RBFOX1: variants seen among roughly 807,000 people sequenced by gnomAD.
RBFOX1 encodes RNA binding fox-1 homolog 1.
A neutral mutation model predicts 57.7 loss-of-function variants in RBFOX1; 8 were observed. That is an observed-to-expected ratio of 0.14 (90% CI 0.08 to 0.25). The LOEUF is 0.25. Ranked by LOEUF, RBFOX1 falls within the 10% of genes least tolerant of loss-of-function variation. RBFOX1 has a pLI of 1.00. For missense variants in RBFOX1, 611 were observed against 548.5 expected, an observed-to-expected ratio of 1.11 and a Z score of -1.14; for synonymous variants, 326 against 222.4, an observed-to-expected ratio of 1.47 and a Z score of -4.15.
At chr16:7,468,099 C>T (rs888189527) in intron 4 of RBFOX1, among the ~76,000 whole-genome samples, 1 of 152,166 alleles carries the variant, frequency 6.6e-6, no homozygotes. Context: ...CATCACAGAA[C>T]TTGGTTGAGC....
In RBFOX1 at chr16:7,281,587, G is replaced by T. The variant is rs1463706691; in HGVS notation, c.27+229489G>T. ...TAGCATTGTCTGGGCACAATATCTG[G>T]TGTTGGAAGTCAGAGAAAATACACA... On this transcript the variant is annotated intron_variant, in intron 4 of 15. Transcript: ENST00000550418. Among the ~76,000 whole-genome samples the T allele has an allele frequency of 1.2e-4, 18 of 152,052 alleles. No individual in the cohort carries two copies. The East Asian group carries it at 3.3e-3, about 28-fold the overall frequency.
chr16:6,388,021 C>T (rs896069414), intron 2 of RBFOX1, among the ~76,000 whole-genome samples: 2 of 119,722 alleles, frequency 1.7e-5, no homozygotes, highest in Admixed American at 2.1e-4. Flanking sequence ...TTGCTTTTGG[C>T]CAGGCTGGAG....
intron 1 of RBFOX1, among the ~76,000 whole-genome samples, chr16:5,252,966 C>G (rs772146506): frequency 6.6e-6 from 1 of 152,144 alleles, no homozygotes; most frequent in Admixed American, 6.5e-5. Flanking sequence ...TTCACATGCA[C>G]GCAGCCAATT....
chr16:6,170,238 G>A (rs1357395686), intron 1 of RBFOX1, among the ~76,000 whole-genome samples: 3 of 152,148 alleles, frequency 2.0e-5, no homozygotes, highest in East Asian at 3.9e-4. Context: ...TATGAAAGCC[G>A]TGTTCATGTC....
chr16:6,103,143 G>C (rs960008138), intron 1 of RBFOX1, among the ~76,000 whole-genome samples: 1 of 152,200 alleles, frequency 6.6e-6, no homozygotes, highest in Admixed American at 6.5e-5. Context: ...TGCAATATTT[G>C]CTCAGTGGGT....
At chr16:5,835,730 C>T (rs1289447194) in intron 3 of RBFOX1, among the ~76,000 whole-genome samples, 1 of 152,206 alleles carries the variant, frequency 6.6e-6, no homozygotes, top group African/African-American at 2.4e-5. Flanking sequence ...CTGTCTCATC[C>T]GTTTTAGTTC....
chr16:6,739,674 C>T (rs377513875), intron 3 of RBFOX1, among the ~76,000 whole-genome samples: 7 of 152,052 alleles, frequency 4.6e-5, no homozygotes, highest in South Asian at 2.1e-4. Flanking sequence ...GTCACGAGTT[C>T]GAGACCAGCT....
In RBFOX1 at chr16:6,718,576, G is replaced by A. The variant is rs143708795; in HGVS notation, c.-16+63926G>A. 4.0e-3 allele frequency among the ~76,000 whole-genome samples: 611 copies of A among 152,182 alleles called. 11 individuals carry two copies. In the South Asian group the frequency reaches 0.049, roughly 12 times the overall value. On this transcript the variant is annotated intron_variant, in intron 3 of 15. Coordinates refer to ENST00000550418, the MANE Select transcript of RBFOX1 (RefSeq NM_018723.4). ...TGACATGGTTTGGATTTGTGTCCCC[G>A]CCCAAATCTCATGTTAAGTTGTAAT...
At chr16:6,682,547 G>A (rs897801224) in intron 3 of RBFOX1, among the ~76,000 whole-genome samples, 7 of 152,114 alleles carry the variant, frequency 4.6e-5, no homozygotes, top group Non-Finnish European at 8.8e-5. Context: ...AAACTGGACC[G>A]GTGCATGCTT....
At chr16:5,595,613 G>A (rs1467709044) in intron 2 of RBFOX1, among the ~76,000 whole-genome samples, 1 of 152,166 alleles carries the variant, frequency 6.6e-6, no homozygotes. Context: ...CAGCTCAAAT[G>A]ATATGGAGGC....
intron 2 of RBFOX1, among the ~76,000 whole-genome samples, chr16:5,572,946 G>A (rs1352513080): frequency 6.6e-6 from 1 of 152,276 alleles, no homozygotes; most frequent in East Asian, 1.9e-4. Flanking sequence ...GGGAGACTGG[G>A]GGGTGATTGA....
rs1263847911 is a variant in RBFOX1 at position 7,518,251 on chromosome 16, T to C, written c.132T>C (p.Pro44=). ...GTATCCCCGCGGAATACACGGCCCC[T>C]CATCCCCACCCCGCGCCAGAGTACA... ...QNGIPAEYTA[P]HPHPAPEYTG... The change falls in exon 5 of 16, where the codon CCT becomes CCC. Residue 44 remains proline, a synonymous_variant. Coordinates refer to ENST00000550418, the MANE Select transcript of RBFOX1 (RefSeq NM_018723.4). 2 of 1,613,796 alleles carry C rather than the reference T, an allele frequency of 1.2e-6. No individual in the cohort carries two copies. Among genetic ancestry groups the C allele is most frequent in the African/African-American group, 2.7e-5 (2 of 74,846 alleles).
rs927205364 is a variant in RBFOX1, at chr16:5,377,665, C to T, written c.220-89551C>T. Among the ~76,000 whole-genome samples the T allele has an allele frequency of 3.3e-5, 5 of 151,156 alleles. 1 individual carries two copies. Among genetic ancestry groups the T allele is most frequent in the African/African-American group, 7.4e-5 (3 of 40,536 alleles). On this transcript the variant is annotated intron_variant, in intron 1 of 2. Transcript: ENST00000585867. Reference sequence around the variant, plus strand: ...GAATGAGAGAAGGCGGAGGCAGAGACGGAAGTTGAATGCGGACCTAGAGGT... The same window carrying T: ...GAATGAGAGAAGGCGGAGGCAGAGATGGAAGTTGAATGCGGACCTAGAGGT...
At chr16:6,811,840 G>C (rs748565445) in intron 3 of RBFOX1, among the ~76,000 whole-genome samples, 11 of 152,160 alleles carry the variant, frequency 7.2e-5, no homozygotes, top group African/African-American at 1.2e-4. Flanking sequence ...AGTGAGCCGA[G>C]ATTGTGCCAT....
intron 1 of RBFOX1, chr16:6,092,464 T>A (rs892409825): frequency 6.6e-6 from 1 of 152,192 alleles, no homozygotes; most frequent in African/African-American, 2.4e-5. Flanking sequence ...TCTAATAAAT[T>A]GAAAATGTTA....
intron 4 of RBFOX1, among the ~76,000 whole-genome samples, chr16:7,054,340 A>G (rs957885322): frequency 1.4e-5 from 2 of 141,254 alleles, no homozygotes; most frequent in Admixed American, 7.9e-5. Flanking sequence ...CCCTGGTTTA[A>G]GCAATTCTCG....
At chr16:6,187,225 A>G (rs2097110977) in intron 1 of RBFOX1, among the ~76,000 whole-genome samples, 1 of 152,162 alleles carries the variant, frequency 6.6e-6, no homozygotes, top group African/African-American at 2.4e-5. Context: ...GTATCAGGTC[A>G]TAGAAAGCAT....
At chr16:6,006,659 C>A (rs920879890) in intron 4 of RBFOX1, among the ~76,000 whole-genome samples, 1 of 152,216 alleles carries the variant, frequency 6.6e-6, no homozygotes, top group African/African-American at 2.4e-5. Context: ...AGTTGAGTTT[C>A]TGTCACTCAG....
chr16:5,511,848 A>C (rs1196090657), intron 2 of RBFOX1, among the ~76,000 whole-genome samples: 1 of 152,184 alleles, frequency 6.6e-6, no homozygotes, highest in Non-Finnish European at 1.5e-5. Flanking sequence ...AGGGTGACTG[A>C]GTTGTCACTC....
Sources: gnomAD v4.1 joint callset for allele counts (sites outside exome capture counted in the v4.1 genomes callset) on GRCh38, gnomAD v4.1.1 for gene constraint, MANE v1.5 for transcripts, NCBI Gene and HGNC (gene_info 2026-07-23, HGNC 2026-07-21) for gene names.